GALNT15: variants seen among roughly 807,000 people sequenced by gnomAD.
GALNT15 encodes polypeptide N-acetylgalactosaminyltransferase 15, also known as UDP-GalNAc transferase T15.
In GALNT15, 67 loss-of-function variants were observed where a neutral mutation model predicts 66.8. That is an observed-to-expected ratio of 1.00 (90% CI 0.82 to 1.23). GALNT15 has a LOEUF of 1.23. GALNT15 is among the 50% of genes most tolerant of loss of function. The pLI is 0.00. For missense variants in GALNT15, 827 were observed against 804.3 expected, an observed-to-expected ratio of 1.03 and a Z score of -0.34; for synonymous variants, 313 against 311.5, an observed-to-expected ratio of 1.00 and a Z score of -0.05.
At chr3:16,216,530 G>C (rs2063880483) in intron 6 of GALNT15, among the ~76,000 whole-genome samples, 1 of 151,572 alleles carries the variant, frequency 6.6e-6, no homozygotes, top group Admixed American at 6.6e-5. Context: ...GGGCAGAAAT[G>C]AAAGTAAGTA....
At chr3:16,232,824 G>T (rs1685114808), downstream of GALNT15, among the ~76,000 whole-genome samples, 1 of 151,804 alleles carries the variant, frequency 6.6e-6, no homozygotes, top group African/African-American at 2.4e-5. Context: ...TGGGGACCAT[G>T]TTAAAGTGCA....
rs543618435 is a variant in GALNT15 at position 16,206,233 on chromosome 3, A to G, written c.912-2270A>G. On this transcript the variant is annotated intron_variant, in intron 3 of 9. Transcript: ENST00000339732. ...TTTCTACACGCACACACACCCCCAC[A>G]CTAGCCGGGCATGGTGGCTCATGCC... Among the ~76,000 whole-genome samples the G allele has an allele frequency of 3.3e-5, 5 of 152,056 alleles. 1 individual carries two copies. The East Asian group carries it at 9.7e-4, about 29-fold the overall frequency.
chr3:16,218,674 C>G (rs970775927), intron 6 of GALNT15, among the ~76,000 whole-genome samples: 13 of 152,168 alleles, frequency 8.5e-5, no homozygotes, highest in Non-Finnish European at 1.9e-4. Flanking sequence ...TCTCAATTGC[C>G]TATGGGTCAG....
In GALNT15 at chr3:16,227,482, T is replaced by C; in HGVS notation, c.1902T>C (p.Asn634=). 6.2e-7 allele frequency: 1 copy of C among 1,614,186 alleles called. No homozygotes were observed. The highest frequency in any genetic ancestry group is 8.5e-7 in the Non-Finnish European group (1 of 1,180,022). The change falls in exon 10 of 10, where the codon AAT becomes AAC. Residue 634 remains asparagine, a synonymous_variant. Coordinates refer to ENST00000339732, the MANE Select transcript of GALNT15 (RefSeq NM_054110.5). The surrounding 1 kb of genome is among the most constrained non-coding windows in gnomAD (Gnocchi z 4.5). ...ARQQWRFDQI[N]AVDER ...AGCAGTGGCGTTTTGACCAGATCAATGCTGTGGATGAACGATGAATGTCAA... is the reference window on the plus strand; with the variant it reads ...AGCAGTGGCGTTTTGACCAGATCAACGCTGTGGATGAACGATGAATGTCAA...
chr3:16,243,922 G>C, the GALNT15 span: 7 of 799,758 alleles, frequency 8.8e-6, no homozygotes, highest in Non-Finnish European at 1.1e-5. Flanking sequence ...CTTGTCTGAT[G>C]TCGTGTTCTG....
rs560091237 is a variant in GALNT15 at position 16,188,655 on chromosome 3, C to A, written c.540-7105C>A. On this transcript the variant is annotated intron_variant, in intron 1 of 9. Coordinates refer to ENST00000339732, the MANE Select transcript of GALNT15 (RefSeq NM_054110.5). The surrounding 1 kb of genome is among the most constrained non-coding windows in gnomAD (Gnocchi z 4.6). ...ATGCAGTTCAGGACCTTTCAAAGAT[C>A]TTTGTTGGCTGGACCTTAGCCAGCT... Among the ~76,000 whole-genome samples, 58 of 151,058 alleles carry A rather than the reference C, an allele frequency of 3.8e-4. No individual in the cohort carries two copies. The highest frequency in any genetic ancestry group is 1.4e-3 in the African/African-American group (56 of 41,118).
chr3:16,213,137 C>T (rs2124888950), intron 6 of GALNT15, among the ~76,000 whole-genome samples: 1 of 152,236 alleles, frequency 6.6e-6, no homozygotes, highest in Middle Eastern at 3.4e-3. Flanking sequence ...TGATCCAAGA[C>T]ATGAAACAAA....
chr3:16,194,817 C>T (rs914375651), intron 1 of GALNT15, among the ~76,000 whole-genome samples: 7 of 152,110 alleles, frequency 4.6e-5, no homozygotes, highest in Admixed American at 4.6e-4. Flanking sequence ...GCAACACACA[C>T]TGGGGCCTGT....
rs1284036627 is a variant in GALNT15 at position 16,193,895 on chromosome 3, T to C, written c.540-1865T>C. ...TAAGAAAGTGCCTTTTGTAAGCAAG[T>C]GTGAGCTATATACTGCTCCATGTAT... On this transcript the variant is annotated intron_variant, in intron 1 of 9. Coordinates refer to ENST00000339732, the MANE Select transcript of GALNT15 (RefSeq NM_054110.5). This position sits in a 1 kb window ranked among gnomAD's most constrained non-coding sequence, Gnocchi z 4.7. 1.3e-5 allele frequency among the ~76,000 whole-genome samples: 2 copies of C among 152,244 alleles called. No individual in the cohort carries two copies. The highest frequency in any genetic ancestry group is 2.4e-5 in the African/African-American group (1 of 41,460).
At chr3:16,206,882 C>A (rs1208431188) in intron 3 of GALNT15, among the ~76,000 whole-genome samples, 2 of 151,990 alleles carry the variant, frequency 1.3e-5, no homozygotes, top group Non-Finnish European at 2.9e-5. Flanking sequence ...TTGCCAATAG[C>A]CAAATTTATC....
chr3:16,190,563 G>A (rs1370682794), intron 1 of GALNT15, among the ~76,000 whole-genome samples: 3 of 151,572 alleles, frequency 2.0e-5, no homozygotes, highest in South Asian at 4.2e-4. Flanking sequence ...GCGTGAGCCC[G>A]GGAGGCGGAG....
At chr3:16,240,335 C>A in the GALNT15 span, among the ~76,000 whole-genome samples, 2 of 152,210 alleles carry the variant, frequency 1.3e-5, no homozygotes, top group South Asian at 2.1e-4. Flanking sequence ...AGGGCCTTGT[C>A]CCGTGTGTTT....
intron 3 of GALNT15, among the ~76,000 whole-genome samples, chr3:16,205,557 G>A (rs930542602): frequency 7.9e-5 from 12 of 152,194 alleles, no homozygotes; most frequent in African/African-American, 2.4e-4. Flanking sequence ...TCACAGGTGA[G>A]GGACTGACGA....
the GALNT15 span, among the ~76,000 whole-genome samples, chr3:16,240,899 T>C: frequency 6.6e-6 from 1 of 152,194 alleles, no homozygotes; most frequent in African/African-American, 2.4e-5. Flanking sequence ...CCTGCTACTA[T>C]TTGCCCCATC....
the GALNT15 span, among the ~76,000 whole-genome samples, chr3:16,246,278 C>G: frequency 6.6e-6 from 1 of 151,198 alleles, no homozygotes; most frequent in African/African-American, 2.4e-5. Flanking sequence ...TCCTAAGGGT[C>G]ACTGTGCCCT....
chr3:16,190,608 A>G (rs1310460616), intron 1 of GALNT15, among the ~76,000 whole-genome samples: 1 of 147,788 alleles, frequency 6.8e-6, no homozygotes, highest in African/African-American at 2.5e-5. Flanking sequence ...ACTGCACTCC[A>G]GCCTGGGGGA....
rs2063693049 is a variant in GALNT15 at position 16,200,833 on chromosome 3, TC to T, written c.911+13del. ...GAATAGCTGGTGACAGGTAACTTAT[TC>T]CCTGGGCTTGCAAAGCAAGACATGG... On this transcript the variant is annotated intron_variant, in intron 3 of 9. Coordinates refer to ENST00000339732, the MANE Select transcript of GALNT15 (RefSeq NM_054110.5). This position sits in a 1 kb window ranked among gnomAD's most constrained non-coding sequence, Gnocchi z 4.4. The T allele has an allele frequency of 6.3e-7, 1 of 1,589,664 alleles. No individual in the cohort carries two copies. Among genetic ancestry groups the T allele is most frequent in the African/African-American group, 1.4e-5 (1 of 74,066 alleles).
chr3:16,178,547 C>G (rs1000901554), intron 1 of GALNT15, among the ~76,000 whole-genome samples: 13 of 152,158 alleles, frequency 8.5e-5, no homozygotes, highest in African/African-American at 3.1e-4. Flanking sequence ...GTGCGGCCTG[C>G]GCAGCCCAGG....
Position 16,227,608 on chromosome 3 carries a change from C to G in GALNT15, c.*108C>G. 1 of 1,589,424 alleles carries G rather than the reference C, an allele frequency of 6.3e-7. No homozygotes were observed. Among genetic ancestry groups the G allele is most frequent in the South Asian group, 1.1e-5 (1 of 87,472 alleles). ...AGCTGATCCTTTTGTGTGTGTGCTC[C>G]TGGTGTTAGGAGAGAAAAAAGCTCT... is the stretch of plus-strand genomic sequence containing the variant. On this transcript the variant is annotated 3_prime_UTR_variant, in exon 10 of 10. Transcript: ENST00000339732. This position sits in a 1 kb window ranked among gnomAD's most constrained non-coding sequence, Gnocchi z 4.5.
Sources: gnomAD v4.1 joint callset for allele counts (sites outside exome capture counted in the v4.1 genomes callset) on GRCh38, gnomAD v4.1.1 for gene constraint, Gnocchi (gnomAD v3.1) non-coding constraint, MANE v1.5 for transcripts, NCBI Gene and HGNC (gene_info 2026-07-23, HGNC 2026-07-21) for gene names.